Variants in C5orf34 observed in about 807,000 individuals in gnomAD.
C5orf34 encodes chromosome 5 open reading frame 34, also known as uncharacterized protein C5orf34.
A neutral mutation model predicts 78.4 loss-of-function variants in C5orf34; 73 were observed. The ratio of observed to expected loss-of-function variants is 0.93; its 90% confidence interval spans 0.77 to 1.13. The LOEUF (loss-of-function observed/expected upper bound fraction) is 1.13. Among genes scored for constraint, C5orf34 ranks in the 50% most tolerant of loss-of-function variants. C5orf34 has a pLI of 0.00. For synonymous variants in C5orf34, 251 were observed against 246.6 expected, an observed-to-expected ratio of 1.02 and a Z score of -0.17; for missense variants, 730 against 732.7, an observed-to-expected ratio of 1.00 and a Z score of 0.04.
intron 6 of C5orf34, chr5:43,495,867 C>T: frequency 2.5e-6 from 4 of 1,594,500 alleles, no homozygotes; most frequent in Non-Finnish European, 3.4e-6. Context: ...ATGTTGTCAC[C>T]ATTCCAACCA....
intron 1 of C5orf34, among the ~76,000 whole-genome samples, chr5:43,513,928 G>A (rs1746377999): frequency 3.3e-5 from 5 of 152,148 alleles, no homozygotes; most frequent in South Asian, 4.1e-4. Context: ...AAAGTCAACC[G>A]AAGCAGGGGC....
intron 11 of C5orf34, among the ~76,000 whole-genome samples, chr5:43,489,135 G>A (rs1021775208): frequency 6.6e-6 from 1 of 151,568 alleles, no homozygotes; most frequent in East Asian, 1.9e-4. Context: ...TTTTCTGGAT[G>A]TAAGAAACAA....
At chr5:43,495,804 T>TA in intron 6 of C5orf34, 4 of 1,577,168 alleles carry the variant, frequency 2.5e-6, no homozygotes, top group Non-Finnish European at 3.5e-6. Flanking sequence ...CTGCCATCCT[T>TA]ACGGGTGGCT....
chr5:43,496,548 A>T (rs1435213349), intron 6 of C5orf34: 1 of 969,488 alleles, frequency 1.0e-6, no homozygotes, highest in East Asian at 2.6e-5. Context: ...TTAAAAATAT[A>T]GAATTACTCC....
Position 43,493,540 on chromosome 5 carries a change from T to TA in C5orf34, c.1314+2dup. On this transcript the variant is annotated splice_region_variant and intron_variant, in intron 8 of 12. Transcript: ENST00000306862. ...TCTTGCTTTTAAAATAATTTTAACA[T>TA]ACCATTTTCCAGCAGCATATACGAT... 2 of 1,494,142 alleles carry TA rather than the reference T, an allele frequency of 1.3e-6. No homozygotes were observed. Among genetic ancestry groups the TA allele is most frequent in the Non-Finnish European group, 1.8e-6 (2 of 1,083,046 alleles). The allele number at this position is 1,494,142 out of a possible 1,614,324, so 92.6% of individuals were successfully genotyped here.
chr5:43,492,625 A>T, intron 9 of C5orf34, 95 bp downstream of exon 9: 1 of 1,106,516 alleles, frequency 9.0e-7, no homozygotes, highest in Non-Finnish European at 1.3e-6. Flanking sequence ...TTATACTTCA[A>T]AAAATGAACT....
chr5:43,503,258 T>G (rs114865291), intron 5 of C5orf34, among the ~76,000 whole-genome samples: 2,130 of 152,314 alleles, frequency 0.014, 50 homozygotes, highest in African/African-American at 0.049. Flanking sequence ...ATTTGCTTTG[T>G]GAATGAAGGC....
At chr5:43,500,279 C>T (rs950793075) in intron 6 of C5orf34, among the ~76,000 whole-genome samples, 2 of 152,040 alleles carry the variant, frequency 1.3e-5, no homozygotes, top group Non-Finnish European at 2.9e-5. Context: ...CATTTTTACC[C>T]TTTGCCCATT....
chr5:43,510,743 C>G (rs1746200263), intron 1 of C5orf34, among the ~76,000 whole-genome samples: 1 of 152,272 alleles, frequency 6.6e-6, no homozygotes, highest in South Asian at 2.1e-4. Context: ...TCACTCAGTG[C>G]TCAATGGTGC....
chr5:43,495,843 C>T lies in C5orf34; in HGVS notation c.1153-1242G>A, dbSNP rs543895150. The stretch of plus-strand genomic sequence containing the variant: ...CATCCCTTGAGCCAAGGCATGTTAG[C>T]ACTCGGCTCCAGCATGTTGTCACCA... On this transcript the variant is annotated intron_variant, in intron 6 of 12. Coordinates refer to ENST00000306862, the MANE Select transcript of C5orf34 (RefSeq NM_198566.4). The T allele has an allele frequency of 2.1e-5, 34 of 1,589,568 alleles. No homozygotes were observed. The East Asian group carries it at 6.0e-4, about 28-fold the overall frequency.
intron 1 of C5orf34, among the ~76,000 whole-genome samples, chr5:43,513,491 G>A (rs530921643): frequency 5.3e-5 from 8 of 152,218 alleles, no homozygotes; most frequent in African/African-American, 7.2e-5. Flanking sequence ...CTATCACTTC[G>A]TGGCTTAAAA....
intron 6 of C5orf34, chr5:43,495,968 T>A: frequency 6.3e-7 from 1 of 1,591,004 alleles, no homozygotes; most frequent in Non-Finnish European, 8.5e-7. Flanking sequence ...TTCTCTCTTC[T>A]GGCTGTAGGG....
At chr5:43,488,020 A>G (rs1389637628) in intron 11 of C5orf34, 71 bp from the exon 12 acceptor site, 6 of 1,199,038 alleles carry the variant, frequency 5.0e-6, no homozygotes, top group Non-Finnish European at 7.1e-6. Context: ...TCAAATAAGC[A>G]TACCTGACTT....
chr5:43,502,001 A>C (rs915316270), intron 6 of C5orf34, among the ~76,000 whole-genome samples: 1 of 152,122 alleles, frequency 6.6e-6, no homozygotes, highest in African/African-American at 2.4e-5. Context: ...AGGTGCTTAA[A>C]ATACACAATT....
At chr5:43,511,637 C>T (rs1337157218) in intron 1 of C5orf34, among the ~76,000 whole-genome samples, 8 of 152,186 alleles carry the variant, frequency 5.3e-5, no homozygotes, top group East Asian at 3.9e-4. Flanking sequence ...TTGCTGTGTC[C>T]GTGTAGAAAG....
intron 3 of C5orf34, among the ~76,000 whole-genome samples, 200 bp from the exon 4 acceptor site, chr5:43,506,594 C>T (rs971447054): frequency 2.0e-5 from 3 of 151,660 alleles, no homozygotes; most frequent in Non-Finnish European, 4.4e-5. Flanking sequence ...AAGATTATCA[C>T]CCTTAAAAAA....
intron 10 of C5orf34, 80 bp from the exon 11 acceptor site, chr5:43,490,809 G>T: frequency 1.5e-6 from 1 of 681,306 alleles, no homozygotes; most frequent in South Asian, 2.6e-5. Context: ...GTAAAAATAA[G>T]ACAATTTGGG....
chr5:43,488,043 G>T, intron 11 of C5orf34, 94 bp from the exon 12 acceptor site: 1 of 913,674 alleles, frequency 1.1e-6, no homozygotes, highest in Non-Finnish European at 1.7e-6. Context: ...TTTTTCATTA[G>T]AATTTTAAAC....
In C5orf34 at chr5:43,487,027, G is replaced by T; in HGVS notation, c.1805C>A (p.Ser602Tyr). Residue 602 changes from serine (S) to tyrosine (Y), a missense_variant, in exon 13 of 13, where the codon TCT (serine) becomes TAT (tyrosine). Physicochemically the swap from Ser to Tyr is moderately radical, Grantham distance 144. Coordinates refer to ENST00000306862, the MANE Select transcript of C5orf34 (RefSeq NM_198566.4). Reference protein sequence around the residue: ...QQSFDHYKPGSSETLLGEVNE... With the variant: ...QQSFDHYKPGYSETLLGEVNE... ...AACTTCTCCTAGCAAGGTTTCTGAA[G>T]ATCCTGGTTTATAATGATCAAAAGA... 6.3e-7 allele frequency: 1 copy of T among 1,591,708 alleles called. No individual in the cohort carries two copies. The highest frequency in any genetic ancestry group is 2.3e-5 in the East Asian group (1 of 43,518).
Sources: allele counts gnomAD v4.1 joint callset (sites outside exome capture counted in the v4.1 genomes callset), GRCh38; gene constraint gnomAD v4.1.1; transcripts MANE v1.5; gene names NCBI Gene and HGNC (gene_info 2026-07-23, HGNC 2026-07-21).